Variants in LYG2 observed in about 807,000 individuals in gnomAD.
The protein encoded by LYG2 is lysozyme g2.
In LYG2, 25 loss-of-function variants were observed where a neutral mutation model predicts 22.4. That is an observed-to-expected ratio of 1.12 (90% CI 0.81 to 1.56). The LOEUF is 1.56. Among genes scored for constraint, LYG2 ranks in the 40% most tolerant of loss-of-function variants. The pLI, the probability that LYG2 is intolerant of heterozygous loss-of-function variation, is 0.00. For synonymous variants in LYG2, 88 were observed against 97.0 expected, an observed-to-expected ratio of 0.91 and a Z score of 0.55; for missense variants, 266 against 269.5, an observed-to-expected ratio of 0.99 and a Z score of 0.09.
intron 3 of LYG2, among the ~76,000 whole-genome samples, chr2:99,249,278 G>A (rs2094022114): frequency 6.6e-6 from 1 of 152,074 alleles, no homozygotes. Flanking sequence ...AAATTAGCCT[G>A]GTGTAGTGGC....
Position 99,249,710 on chromosome 2 carries a change from G to A in LYG2, c.44-2890C>T, listed in dbSNP as rs539002718. Among the ~76,000 whole-genome samples, 39 of 140,426 alleles carry A rather than the reference G, an allele frequency of 2.8e-4. 1 individual carries two copies. In the South Asian group the frequency reaches 4.0e-3, roughly 14 times the overall value. 92.1% of individuals were successfully genotyped at this position (140,426 alleles called of 152,430 possible). On this transcript the variant is annotated intron_variant, in intron 3 of 6. Coordinates refer to ENST00000333017, the MANE Select transcript of LYG2 (RefSeq NM_175735.4). ...CAGGAGGAGGAGGATGCAGTGAGCC[G>A]AGATCGCGCCATTGCACTCCAGCCT...
intron 5 of LYG2, 53 bp from the exon 6 acceptor site, chr2:99,244,190 C>G (rs778661644): frequency 1.9e-5 from 29 of 1,566,130 alleles, no homozygotes; most frequent in Non-Finnish European, 2.5e-5. Context: ...CACATTTTTT[C>G]TGCCATTCCT....
At chr2:99,248,147 G>C (rs1328778247) in intron 3 of LYG2, among the ~76,000 whole-genome samples, 3 of 152,008 alleles carry the variant, frequency 2.0e-5, no homozygotes, top group African/African-American at 7.2e-5. Context: ...CTGTAAACTA[G>C]TTCAACCATT....
chr2:99,248,296 G>A (rs1414514265), intron 3 of LYG2, among the ~76,000 whole-genome samples: 8 of 151,980 alleles, frequency 5.3e-5, no homozygotes, highest in African/African-American at 7.3e-5. Context: ...TGTTTATTGC[G>A]GCACTATTCA....
At chr2:99,260,656 A>C (rs1231228072), upstream of LYG2, among the ~76,000 whole-genome samples, 1 of 152,220 alleles carries the variant, frequency 6.6e-6, no homozygotes, top group East Asian at 1.9e-4. Flanking sequence ...AGTGACTTGA[A>C]TATAATCAAA....
upstream of LYG2, among the ~76,000 whole-genome samples, chr2:99,259,017 T>C (rs1358054534): frequency 6.6e-6 from 1 of 152,128 alleles, no homozygotes; most frequent in Non-Finnish European, 1.5e-5. Flanking sequence ...TATTTCACAC[T>C]CTCTAAAAAG....
intron 3 of LYG2, among the ~76,000 whole-genome samples, chr2:99,249,761 CAAAAA>C (rs70940156): frequency 1.5e-5 from 1 of 65,296 alleles, no homozygotes; most frequent in African/African-American, 5.7e-5. Flanking sequence ...AACTCTGTCT[CAAAAA>C]AAAAAAAAAA....
intron 3 of LYG2, among the ~76,000 whole-genome samples, chr2:99,253,171 C>T (rs1258523450): frequency 6.6e-6 from 1 of 151,520 alleles, no homozygotes; most frequent in African/African-American, 2.4e-5. Flanking sequence ...TTGACTCTTA[C>T]ACATGTTTAT....
intron 6 of LYG2, chr2:99,243,275 G>A (rs1251600053): frequency 4.4e-6 from 3 of 677,964 alleles, no homozygotes; most frequent in Non-Finnish European, 7.4e-6. Flanking sequence ...GTAAAATGCA[G>A]AAGAAAGAGC....
At position 99,246,835 on chromosome 2, in the gene LYG2, T is replaced by G; in HGVS notation, c.44-15A>C. ...CCTGGAAGTGCCTAGGAGGCAGAAG[T>G]GTAACTCACATGAATCCTCTGAGAA... On this transcript the variant is annotated splice_polypyrimidine_tract_variant and intron_variant, in intron 3 of 6. Coordinates refer to ENST00000333017, the MANE Select transcript of LYG2 (RefSeq NM_175735.4). 1 of 1,605,176 alleles carries G rather than the reference T, an allele frequency of 6.2e-7. No homozygotes were observed. Among genetic ancestry groups the G allele is most frequent in the South Asian group, 1.1e-5 (1 of 89,112 alleles).
At chr2:99,257,434 A>G (rs1290313552), upstream of LYG2, among the ~76,000 whole-genome samples, 1 of 152,210 alleles carries the variant, frequency 6.6e-6, no homozygotes, top group Non-Finnish European at 1.5e-5. Context: ...TGGATGGTTA[A>G]GTGTGGGTAC....
At chr2:99,243,673 C>T in intron 6 of LYG2, 1 of 517,200 alleles carries the variant, frequency 1.9e-6, no homozygotes, top group Admixed American at 3.8e-5. Context: ...GTAGCTGGGA[C>T]TGTGTGTCAC....
chr2:99,252,918 G>A (rs767272861), intron 3 of LYG2, among the ~76,000 whole-genome samples: 153 of 151,852 alleles, frequency 1.0e-3, no homozygotes, highest in Non-Finnish European at 2.0e-3. Context: ...ATGATGGTGG[G>A]CGCCTGTAGT....
chr2:99,255,683 C>T (rs911371099), upstream of LYG2, among the ~76,000 whole-genome samples: 2 of 152,110 alleles, frequency 1.3e-5, no homozygotes, highest in Admixed American at 1.3e-4. Context: ...TGATCTCAAA[C>T]CACTATGTCA....
chr2:99,245,565 G>A (rs888803613), intron 4 of LYG2, 107 bp from the exon 5 acceptor site: 1 of 545,950 alleles, frequency 1.8e-6, no homozygotes, highest in Admixed American at 3.8e-5. Flanking sequence ...GAACCCAGGA[G>A]GAGTTCGAAA....
At chr2:99,249,020 T>G (rs2094021846) in intron 3 of LYG2, among the ~76,000 whole-genome samples, 2 of 152,204 alleles carry the variant, frequency 1.3e-5, no homozygotes, top group Non-Finnish European at 2.9e-5. Context: ...GAGGCAGAGC[T>G]TTTGCTAAAG....
chr2:99,246,873 G>A (rs1296193517), intron 3 of LYG2, 53 bp from the exon 4 acceptor site: 3 of 1,568,504 alleles, frequency 1.9e-6, no homozygotes, highest in Non-Finnish European at 8.7e-7. Flanking sequence ...TATTACTTGG[G>A]TTGCTGCAAT....
chr2:99,251,621 C>T (rs56333036), intron 3 of LYG2, among the ~76,000 whole-genome samples: 1,664 of 152,138 alleles, frequency 0.011, 11 homozygotes, highest in Non-Finnish European at 0.018. Flanking sequence ...TTTTCTAGTT[C>T]CTGCCACTGA....
chr2:99,242,437 G>A lies in LYG2; in HGVS notation c.566C>T (p.Pro189Leu), dbSNP rs1432511777. ...GACGAAGTCATTGTCTATGTCCGAT[G>A]GGGTGGCAATCGCTTCAATTCCTGA... is the stretch of plus-strand genomic sequence containing the variant. ...FKSGIEAIAT[P>L]SDIDNDFVND... The change falls in exon 7 of 7, where the codon CCA (proline) becomes CTA (leucine). Residue 189 changes from proline to leucine, a missense_variant. Pro to Leu is a moderately conservative substitution (Grantham distance 98, BLOSUM62 -3). Coordinates refer to ENST00000333017, the MANE Select transcript of LYG2 (RefSeq NM_175735.4). 2 of 1,613,092 alleles carry A rather than the reference G, an allele frequency of 1.2e-6. No individual in the cohort carries two copies. The highest frequency in any genetic ancestry group is 1.1e-5 in the South Asian group (1 of 90,890).
Sources: allele counts gnomAD v4.1 joint callset (sites outside exome capture counted in the v4.1 genomes callset), GRCh38; gene constraint gnomAD v4.1.1; transcripts MANE v1.5; gene names NCBI Gene and HGNC (gene_info 2026-07-23, HGNC 2026-07-21).